JAKMIP1: variants seen among roughly 807,000 people sequenced by gnomAD.
JAKMIP1 encodes janus kinase and microtubule interacting protein 1.
JAKMIP1 carries 33 observed loss-of-function variants against 113.0 expected under a neutral mutation model. The ratio of observed to expected loss-of-function variants is 0.29; its 90% confidence interval spans 0.22 to 0.39. The LOEUF (loss-of-function observed/expected upper bound fraction) is 0.39, where lower values mean the gene tolerates loss of function less well. JAKMIP1 is among the 10% of genes least tolerant of loss of function. The pLI is 1.00. For missense variants in JAKMIP1, 813 were observed against 1,080.5 expected (o/e 0.75, Z 3.47); for synonymous variants, 480 against 459.9 (o/e 1.04, Z -0.56).
intron 1 of JAKMIP1, among the ~76,000 whole-genome samples, chr4:6,119,084 C>A (rs9995146): frequency 6.6e-6 from 1 of 151,874 alleles, no homozygotes; most frequent in Non-Finnish European, 1.5e-5. Context: ...AAAGCTGGAG[C>A]GGGGAAGGAC....
chr4:6,131,753 G>A (rs767558237), intron 1 of JAKMIP1, among the ~76,000 whole-genome samples: 1 of 152,058 alleles, frequency 6.6e-6, no homozygotes. Flanking sequence ...TAATACATCC[G>A]ACTTCCCTGC....
Position 6,084,955 on chromosome 4 carries a change from A to C in JAKMIP1, c.845T>G (p.Met282Arg). Reference protein sequence around the residue: ...VELMGVQDQHMDERDVRRFQL... With the variant: ...VELMGVQDQHRDERDVRRFQL... Reference sequence around the variant, plus strand: ...AAATCGCCTCACATCTCGCTCGTCCATATGTTGATCCTAAAAAAAAAAAAA... The same window carrying C: ...AAATCGCCTCACATCTCGCTCGTCCCTATGTTGATCCTAAAAAAAAAAAAA... The change falls in exon 5 of 21, where the codon ATG (methionine) becomes AGG (arginine). Residue 282 changes from methionine (M) to arginine (R), a missense_variant. By Grantham distance (91) the Met-to-Arg change is moderately conservative. Around this residue, in one of 2 missense-constraint regions of JAKMIP1, gnomAD observed 540 missense variants for 653.9 expected, o/e 0.83. Transcript: ENST00000409021. 1.0e-6 allele frequency: 1 copy of C among 974,630 alleles called. No individual in the cohort carries two copies. The highest frequency in any genetic ancestry group is 1.5e-6 in the Non-Finnish European group (1 of 661,556). The allele number at this position is 974,630 out of a possible 1,614,324, so 60.4% of individuals were successfully genotyped here. A position where few individuals can be genotyped will look rare whatever the true frequency, so the allele number is the denominator to read the frequency against.
At chr4:6,026,866 ATTTTTT>A (rs370379960) in intron 20 of JAKMIP1, among the ~76,000 whole-genome samples, 94,956 of 140,520 alleles carry the variant, frequency 0.68, 31,906 homozygotes, top group Non-Finnish European at 0.71. Flanking sequence ...ATTTCTTTGC[ATTTTTT>A]TTTTTTTTTT....
chr4:6,065,793 C>T lies in JAKMIP1; in HGVS notation c.1303-785G>A, dbSNP rs532938754. ...ATATCATAGGATATGGGGCTTCATT[C>T]ATCTGTCTATCAATTCATTCACTCA... On this transcript the variant is annotated intron_variant, in intron 8 of 20. Coordinates refer to ENST00000409021, the MANE Select transcript of JAKMIP1 (RefSeq NM_001099433.2). This position sits in a 1 kb window ranked among gnomAD's most constrained non-coding sequence, Gnocchi z 5.1. 6.6e-6 allele frequency among the ~76,000 whole-genome samples: 1 copy of T among 152,164 alleles called. No homozygotes were observed. The highest frequency in any genetic ancestry group is 1.5e-5 in the Non-Finnish European group (1 of 68,034).
chr4:6,101,030 G>A (rs907578506), intron 3 of JAKMIP1, among the ~76,000 whole-genome samples: 8 of 151,988 alleles, frequency 5.3e-5, no homozygotes, highest in African/African-American at 1.9e-4. Context: ...GTCTTTTGAT[G>A]AACAATGATT....
chr4:6,193,485 G>A lies in JAKMIP1; in HGVS notation c.-148+6768C>T, dbSNP rs951987676. Among the ~76,000 whole-genome samples the A allele has an allele frequency of 2.6e-5, 4 of 152,200 alleles. No homozygotes were observed. Among genetic ancestry groups the A allele is most frequent in the African/African-American group, 9.6e-5 (4 of 41,452 alleles). On this transcript the variant is annotated intron_variant, in intron 1 of 20. Transcript: ENST00000409021. The surrounding 1 kb of genome is among the most constrained non-coding windows in gnomAD (Gnocchi z 6.4). ...AAAGAAGCCAGTCTGGGCCAGGGTA[G>A]GGATGAACATTCCAGGCAGCAAGCA...
rs1034088232 is a variant in JAKMIP1, at chr4:6,040,103, T to G, written c.2175+536A>C. Among the ~76,000 whole-genome samples the G allele has an allele frequency of 6.6e-6, 1 of 152,190 alleles. No individual in the cohort carries two copies. Among genetic ancestry groups the G allele is most frequent in the South Asian group, 2.1e-4 (1 of 4,830 alleles). Reference sequence around the variant, plus strand: ...TTCTCTCGTGCCAGGAGCACTTAGCTTTGAGTGTGAGGACACAGGAGTTTG... The same window carrying G: ...TTCTCTCGTGCCAGGAGCACTTAGCGTTGAGTGTGAGGACACAGGAGTTTG... On this transcript the variant is annotated intron_variant, in intron 18 of 20. Transcript: ENST00000409021. The surrounding 1 kb of genome is among the most constrained non-coding windows in gnomAD (Gnocchi z 5.8).
At chr4:6,043,071 G>T (rs941341917) in intron 16 of JAKMIP1, among the ~76,000 whole-genome samples, 2 of 152,000 alleles carry the variant, frequency 1.3e-5, no homozygotes, top group African/African-American at 2.4e-5. Flanking sequence ...GCTGCCCTGT[G>T]GGGGAGGGCT....
chr4:6,047,141 G>A (rs1715102275), intron 16 of JAKMIP1, among the ~76,000 whole-genome samples: 1 of 152,224 alleles, frequency 6.6e-6, no homozygotes, highest in Non-Finnish European at 1.5e-5. Context: ...GAGATGTGGT[G>A]AGAAACCGGC....
At chr4:6,057,049 T>A (rs1302618128) in intron 11 of JAKMIP1, among the ~76,000 whole-genome samples, 1 of 152,180 alleles carries the variant, frequency 6.6e-6, no homozygotes, top group African/African-American at 2.4e-5. Context: ...TGGTCCACAC[T>A]GGCAGACCCT....
intron 1 of JAKMIP1, among the ~76,000 whole-genome samples, chr4:6,114,250 T>C (rs958816947): frequency 6.6e-6 from 1 of 152,100 alleles, no homozygotes; most frequent in Non-Finnish European, 1.5e-5. Flanking sequence ...AGGAAGGCCA[T>C]GAACAGGACA....
intron 13 of JAKMIP1, chr4:6,053,689 A>C: frequency 1.3e-6 from 1 of 797,202 alleles, no homozygotes; most frequent in Non-Finnish European, 1.6e-6. Context: ...CAGAATGCGT[A>C]CCCGGTGACT....
At chr4:6,191,994 C>T (rs958710177) in intron 1 of JAKMIP1, among the ~76,000 whole-genome samples, 2 of 150,726 alleles carry the variant, frequency 1.3e-5, no homozygotes, top group Admixed American at 1.3e-4. Flanking sequence ...GTGCAATGGC[C>T]CAATCTTGGC....
intron 1 of JAKMIP1, among the ~76,000 whole-genome samples, chr4:6,173,163 G>A (rs946325379): frequency 1.3e-5 from 2 of 152,200 alleles, no homozygotes; most frequent in Non-Finnish European, 1.5e-5. Context: ...TACCATACAG[G>A]GGGTAGAATC....
intron 1 of JAKMIP1, among the ~76,000 whole-genome samples, chr4:6,169,602 ATTGTGTGTGTGTGTGTG>A (rs1422168407): frequency 2.4e-4 from 17 of 70,674 alleles, no homozygotes; most frequent in Admixed American, 5.1e-4. Context: ...GCCCTAGGAA[ATTGTGTGTGTGTGTGTG>A]TGTGTGTGTG....
chr4:6,152,218 C>A (rs1721651650), intron 1 of JAKMIP1, among the ~76,000 whole-genome samples: 1 of 152,280 alleles, frequency 6.6e-6, no homozygotes, highest in Admixed American at 6.5e-5. Flanking sequence ...ATCTAACCAG[C>A]AAACGCTGCT....
Position 6,070,372 on chromosome 4 carries a change from C to T in JAKMIP1, c.1303-5364G>A, listed in dbSNP as rs539780210. Among the ~76,000 whole-genome samples, 108 of 152,328 alleles carry T rather than the reference C, an allele frequency of 7.1e-4. 1 individual carries two copies. The highest frequency in any genetic ancestry group is 1.4e-3 in the Admixed American group (21 of 15,298). On this transcript the variant is annotated intron_variant, in intron 8 of 20. Transcript: ENST00000409021. The stretch of plus-strand genomic sequence containing the variant: ...CTGCAGAGTCCCAAGAACAGGAGTG[C>T]GCCAGAAGACGCACCTTCAGTAAAA...
rs1030772923 is a variant in JAKMIP1, at chr4:6,156,185, G to A, written c.-147-43188C>T. Among the ~76,000 whole-genome samples the A allele has an allele frequency of 6.6e-6, 1 of 152,196 alleles. No individual in the cohort carries two copies. The highest frequency in any genetic ancestry group is 1.5e-5 in the Non-Finnish European group (1 of 68,042). ...AACATCTTCTCACCGTACCACGCCCGGCACAGAGCCAGCCAGCCACGCGCA... is the reference window on the plus strand; with the variant it reads ...AACATCTTCTCACCGTACCACGCCCAGCACAGAGCCAGCCAGCCACGCGCA... On this transcript the variant is annotated intron_variant, in intron 1 of 20. Coordinates refer to ENST00000409021, the MANE Select transcript of JAKMIP1 (RefSeq NM_001099433.2). The surrounding 1 kb of genome is among the most constrained non-coding windows in gnomAD (Gnocchi z 5.0).
At chr4:6,041,046 C>A (rs564673504) in intron 17 of JAKMIP1, among the ~76,000 whole-genome samples, 1 of 152,124 alleles carries the variant, frequency 6.6e-6, no homozygotes, top group Non-Finnish European at 1.5e-5. Context: ...CCTCCTGCTA[C>A]ATCCTAGTGG....
Sources: allele counts gnomAD v4.1 joint callset (sites outside exome capture counted in the v4.1 genomes callset), GRCh38; gene constraint gnomAD v4.1.1; regional missense constraint gnomAD v4.1.1; non-coding constraint Gnocchi (gnomAD v3.1); transcripts MANE v1.5; gene names NCBI Gene and HGNC (gene_info 2026-07-23, HGNC 2026-07-21).